Variants in KCNK2 observed in about 807,000 individuals in gnomAD.
KCNK2 encodes potassium channel subfamily K member 2.
KCNK2 carries 21 observed loss-of-function variants against 40.5 expected under a neutral mutation model. That is an observed-to-expected ratio of 0.52 (90% CI 0.37 to 0.75). KCNK2 has a LOEUF of 0.75. Among genes scored for constraint, KCNK2 ranks in the 30% least tolerant of loss-of-function variants. The pLI, the probability that KCNK2 is intolerant of heterozygous loss-of-function variation, is 0.00. For missense variants in KCNK2, 399 were observed against 531.6 expected (o/e 0.75, Z 2.45); for synonymous variants, 191 against 202.2 (o/e 0.94, Z 0.47).
intron 2 of KCNK2, among the ~76,000 whole-genome samples, chr1:215,096,332 T>A (rs1268227341): frequency 6.6e-6 from 1 of 151,900 alleles, no homozygotes; most frequent in East Asian, 1.9e-4. Flanking sequence ...AACATTTTTT[T>A]CCTACTAAAA....
intron 2 of KCNK2, among the ~76,000 whole-genome samples, chr1:215,119,215 A>C (rs1661075963): frequency 6.6e-6 from 1 of 152,174 alleles, no homozygotes; most frequent in African/African-American, 2.4e-5. Context: ...ATTGTCAGTC[A>C]CTTCCTTGAA....
At chr1:215,216,483 T>G (rs1665965554) in intron 6 of KCNK2, among the ~76,000 whole-genome samples, 1 of 148,422 alleles carries the variant, frequency 6.7e-6, no homozygotes, top group Admixed American at 6.8e-5. Flanking sequence ...GTTGTATTTT[T>G]ATACATAATA....
Position 215,235,297 on chromosome 1 carries a change from T to G in KCNK2, c.*152T>G, listed in dbSNP as rs1433247332. 1.6e-6 allele frequency: 1 copy of G among 615,398 alleles called. No homozygotes were observed. The highest frequency in any genetic ancestry group is 2.7e-6 in the Non-Finnish European group (1 of 366,834). 38.1% of individuals were successfully genotyped at this position (615,398 alleles called of 1,614,324 possible). A position where few individuals can be genotyped will look rare whatever the true frequency, so the allele number is the denominator to read the frequency against. ...TCATGGTCATCTATCATCAAGAGAA[T>G]TTGGAATTCTGAGCCAGCACTTTCT... On this transcript the variant is annotated 3_prime_UTR_variant, in exon 7 of 7. Coordinates refer to ENST00000444842, the MANE Select transcript of KCNK2 (RefSeq NM_001017425.3).
chr1:215,122,880 G>A (rs572420272), intron 2 of KCNK2, among the ~76,000 whole-genome samples: 2 of 151,780 alleles, frequency 1.3e-5, no homozygotes, highest in South Asian at 4.2e-4. Flanking sequence ...GAGTAGCTGG[G>A]ACTACAGGCG....
At chr1:215,095,961 T>C (rs1439935869) in intron 2 of KCNK2, among the ~76,000 whole-genome samples, 6 of 152,010 alleles carry the variant, frequency 3.9e-5, no homozygotes, top group African/African-American at 9.7e-5. Context: ...TGCCGGGGCA[T>C]GACTAGGTGA....
chr1:215,236,234 C>G lies in KCNK2; in HGVS notation c.*1089C>G, dbSNP rs1666890492. ...CAAGTATTTGCTAATAAACAGTATACTGCCAGCTTCTAATTGCTTTTTGAT... is the reference window on the plus strand; with the variant it reads ...CAAGTATTTGCTAATAAACAGTATAGTGCCAGCTTCTAATTGCTTTTTGAT... On this transcript the variant is annotated 3_prime_UTR_variant, in exon 7 of 7. Coordinates refer to ENST00000444842, the MANE Select transcript of KCNK2 (RefSeq NM_001017425.3). 2.0e-5 allele frequency: 3 copies of G among 152,174 alleles called. No individual in the cohort carries two copies. In the South Asian group the frequency reaches 6.2e-4, roughly 32 times the overall value. The allele number at this position is 152,174 out of a possible 1,614,324, so 9.4% of individuals were successfully genotyped here.
intron 1 of KCNK2, among the ~76,000 whole-genome samples, chr1:215,028,000 T>C (rs944148098): frequency 6.6e-6 from 1 of 152,212 alleles, no homozygotes; most frequent in African/African-American, 2.4e-5. Context: ...TTGTGTGTGG[T>C]TGTCTCATTT....
intron 1 of KCNK2, among the ~76,000 whole-genome samples, chr1:215,085,927 G>A (rs937544459): frequency 6.6e-6 from 1 of 152,134 alleles, no homozygotes; most frequent in Non-Finnish European, 1.5e-5. Flanking sequence ...TATATTGCTT[G>A]CTTGTGATAT....
intron 6 of KCNK2, among the ~76,000 whole-genome samples, chr1:215,222,113 C>T (rs1194043810): frequency 6.6e-6 from 1 of 152,124 alleles, no homozygotes; most frequent in Non-Finnish European, 1.5e-5. Context: ...ACCGTGTAAA[C>T]AGCACCAAGC....
At position 215,230,468 on chromosome 1, in the gene KCNK2, GATAT is replaced by G. The variant is rs373897689; in HGVS notation, c.964-4352_964-4349del. Among the ~76,000 whole-genome samples, 118 of 117,568 alleles carry G rather than the reference GATAT, an allele frequency of 1.0e-3. 2 individuals carry two copies. Among genetic ancestry groups the G allele is most frequent in the African/African-American group, 3.8e-3 (104 of 27,220 alleles). The allele number at this position is 117,568 out of a possible 152,430, so 77.1% of individuals were successfully genotyped here. ...AAAAATCGTGTAGCTCATGGCTGTA[GATAT>G]ATATATACACACACACACACACACA... On this transcript the variant is annotated intron_variant, in intron 6 of 6. Coordinates refer to ENST00000444842, the MANE Select transcript of KCNK2 (RefSeq NM_001017425.3).
chr1:215,163,703 T>G (rs1043793785), intron 3 of KCNK2, among the ~76,000 whole-genome samples: 1 of 152,216 alleles, frequency 6.6e-6, no homozygotes, highest in Non-Finnish European at 1.5e-5. Flanking sequence ...TTGTTTCTGT[T>G]TATGTGATGC....
At chr1:215,093,452 A>T (rs1659786888) in intron 2 of KCNK2, among the ~76,000 whole-genome samples, 2 of 125,856 alleles carry the variant, frequency 1.6e-5, no homozygotes, top group African/African-American at 6.1e-5. Context: ...CATATAATAT[A>T]TATAATATAT....
chr1:215,044,405 C>T (rs1217909592), intron 1 of KCNK2, among the ~76,000 whole-genome samples: 1 of 151,830 alleles, frequency 6.6e-6, no homozygotes, highest in Non-Finnish European at 1.5e-5. Flanking sequence ...CTCAATACTC[C>T]CTTTGGAAAG....
rs895590606 is a variant in KCNK2, at chr1:215,224,265, T to G, written c.964-10563T>G. On this transcript the variant is annotated intron_variant, in intron 6 of 6. Transcript: ENST00000444842. ...TGAAATTCTAAGTGGGTAACCCCACTTAGAGGGGAGACAACAATTTCTGCC... is the reference window on the plus strand; with the variant it reads ...TGAAATTCTAAGTGGGTAACCCCACGTAGAGGGGAGACAACAATTTCTGCC... Among the ~76,000 whole-genome samples the G allele has an allele frequency of 2.0e-5, 3 of 152,198 alleles. No homozygotes were observed. In the East Asian group the frequency reaches 5.8e-4, roughly 29 times the overall value.
intron 3 of KCNK2, among the ~76,000 whole-genome samples, chr1:215,153,861 C>T (rs551928881): frequency 1.2e-4 from 18 of 152,054 alleles, no homozygotes; most frequent in Non-Finnish European, 1.8e-4. Context: ...TTTCTGTTCC[C>T]GTGTTAGTTT....
chr1:215,101,174 A>C (rs1047042318), intron 2 of KCNK2, among the ~76,000 whole-genome samples: 5 of 151,972 alleles, frequency 3.3e-5, no homozygotes, highest in African/African-American at 9.7e-5. Flanking sequence ...CTAAACTGAG[A>C]GTTTTGTTCT....
intron 3 of KCNK2, among the ~76,000 whole-genome samples, chr1:215,140,081 A>T (rs974062207): frequency 1.3e-5 from 2 of 152,172 alleles, no homozygotes; most frequent in Non-Finnish European, 2.9e-5. Context: ...TGGCATAAGT[A>T]TCTGTCTTTC....
At chr1:215,106,530 G>A (rs1013218752) in intron 2 of KCNK2, among the ~76,000 whole-genome samples, 2 of 152,016 alleles carry the variant, frequency 1.3e-5, no homozygotes, top group African/African-American at 2.4e-5. Context: ...CTCCAGTTGT[G>A]TAGGTTGTCT....
chr1:215,069,150 G>A (rs1179610770), intron 1 of KCNK2, among the ~76,000 whole-genome samples: 1 of 152,186 alleles, frequency 6.6e-6, no homozygotes, highest in Non-Finnish European at 1.5e-5. Context: ...ATCTTTAACA[G>A]TGAGGATAGA....
Sources: allele counts gnomAD v4.1 joint callset (sites outside exome capture counted in the v4.1 genomes callset), GRCh38; gene constraint gnomAD v4.1.1; transcripts MANE v1.5; gene names NCBI Gene and HGNC (gene_info 2026-07-23, HGNC 2026-07-21).